The following AGO3 variants were observed in gnomAD, a reference collection of about 807,000 sequenced individuals.
AGO3 encodes argonaute RISC catalytic component 3.
AGO3 carries 16 observed loss-of-function variants against 105.5 expected under a neutral mutation model. The ratio of observed to expected loss-of-function variants is 0.15; its 90% CI spans 0.10 to 0.23. AGO3 has a LOEUF of 0.23. Among genes scored for constraint, AGO3 ranks in the 10% least tolerant of loss-of-function variants. AGO3 has a pLI of 1.00. For missense variants in AGO3, 534 were observed against 1,088.0 expected, an observed-to-expected ratio of 0.49 and a Z score of 7.16; for synonymous variants, 340 against 367.3, an observed-to-expected ratio of 0.93 and a Z score of 0.85.
At chr1:36,024,786 C>A (rs79353624) in intron 11 of AGO3, among the ~76,000 whole-genome samples, 1 of 152,046 alleles carries the variant, frequency 6.6e-6, no homozygotes, top group African/African-American at 2.4e-5. Context: ...CAGGTTCAAG[C>A]GTAAAATCAG....
chr1:35,972,704 G>A (rs1646889691), intron 4 of AGO3, among the ~76,000 whole-genome samples: 1 of 151,420 alleles, frequency 6.6e-6, no homozygotes, highest in African/African-American at 2.4e-5. Context: ...TTTGAGACAT[G>A]GTCTCACTCT....
chr1:35,984,614 T>G (rs918721758), intron 5 of AGO3: 9 of 152,188 alleles, frequency 5.9e-5, no homozygotes, highest in African/African-American at 2.2e-4. Flanking sequence ...ATGTATCACC[T>G]TGAATTATGG....
chr1:35,964,937 C>G (rs1646745881), intron 2 of AGO3, among the ~76,000 whole-genome samples: 1 of 151,158 alleles, frequency 6.6e-6, no homozygotes, highest in Non-Finnish European at 1.5e-5. Flanking sequence ...TTTGAAGTGT[C>G]TGTTCATGTC....
intron 3 of AGO3, among the ~76,000 whole-genome samples, chr1:35,968,379 C>T (rs550196877): frequency 2.0e-5 from 3 of 152,256 alleles, no homozygotes; most frequent in Non-Finnish European, 4.4e-5. Flanking sequence ...CCTTCCATCC[C>T]CAGAATTGTC....
chr1:35,972,809 G>C (rs76559703), intron 4 of AGO3, among the ~76,000 whole-genome samples: 1 of 150,842 alleles, frequency 6.6e-6, no homozygotes, highest in African/African-American at 2.4e-5. Flanking sequence ...CTTCTGAGTA[G>C]CTGGGACCAC....
chr1:35,973,775 T>C (rs570127586), intron 5 of AGO3, among the ~76,000 whole-genome samples: 2 of 152,336 alleles, frequency 1.3e-5, no homozygotes, highest in Middle Eastern at 3.4e-3. Flanking sequence ...TCTTCTATTA[T>C]AACTCACTTT....
At chr1:35,981,779 TC>T (rs1647057395) in intron 5 of AGO3, among the ~76,000 whole-genome samples, 1 of 152,140 alleles carries the variant, frequency 6.6e-6, no homozygotes, top group South Asian at 2.1e-4. Flanking sequence ...CTTCTGAGAA[TC>T]CCCCATTTAA....
chr1:35,990,985 C>T (rs1052283764), intron 5 of AGO3, among the ~76,000 whole-genome samples: 7 of 152,126 alleles, frequency 4.6e-5, no homozygotes, highest in Non-Finnish European at 8.8e-5. Context: ...CAGGCTTACC[C>T]AGGCGGGCTA....
chr1:35,957,422 G>T (rs891952889), intron 2 of AGO3, among the ~76,000 whole-genome samples: 4 of 151,994 alleles, frequency 2.6e-5, no homozygotes, highest in African/African-American at 9.7e-5. Flanking sequence ...CAAACATAGT[G>T]TATAGTGAAA....
chr1:35,933,202 T>C (rs1646086402), intron 1 of AGO3, among the ~76,000 whole-genome samples: 1 of 152,166 alleles, frequency 6.6e-6, no homozygotes, highest in Non-Finnish European at 1.5e-5. Flanking sequence ...AGTTTATACA[T>C]GATTGAATGT....
At position 36,055,640 on chromosome 1, in the gene AGO3, T is replaced by C. The variant is rs1446763730; in HGVS notation, c.2478T>C (p.Ala826=). Residue 826 remains alanine (A), a synonymous_variant, in exon 19 of 19, where the codon GCT becomes GCC. Coordinates refer to ENST00000373191, the MANE Select transcript of AGO3 (RefSeq NM_024852.4). This position sits in a 1 kb window ranked among gnomAD's most constrained non-coding sequence, Gnocchi z 4.4. ...YHLVDKEHDS[A]EGSHVSGQSN... ...TTCATTGCCACTTCTCTTACAGTGC[T>C]GAAGGAAGTCACGTTTCAGGACAAA... The C allele has an allele frequency of 1.2e-6, 2 of 1,614,052 alleles. No individual in the cohort carries two copies. Among genetic ancestry groups the C allele is most frequent in the Non-Finnish European group, 8.5e-7 (1 of 1,180,000 alleles).
At chr1:36,007,650 T>C (rs1640400913) in intron 6 of AGO3, among the ~76,000 whole-genome samples, 1 of 151,632 alleles carries the variant, frequency 6.6e-6, no homozygotes, top group African/African-American at 2.4e-5. Context: ...GAGCCAAGAT[T>C]GCATCATTGC....
chr1:35,990,474 T>C (rs971836815), intron 5 of AGO3, among the ~76,000 whole-genome samples: 3 of 152,264 alleles, frequency 2.0e-5, no homozygotes, highest in East Asian at 1.9e-4. Flanking sequence ...CACCACTGCA[T>C]TCCAGTCTGG....
At chr1:35,986,298 T>C (rs1484052213) in intron 5 of AGO3, among the ~76,000 whole-genome samples, 5 of 152,218 alleles carry the variant, frequency 3.3e-5, no homozygotes, top group South Asian at 4.1e-4. Context: ...AGTAGCAGAA[T>C]GAATAAACAG....
At chr1:35,993,738 CTTTTT>C (rs141978570) in intron 5 of AGO3, among the ~76,000 whole-genome samples, 2 of 90,778 alleles carry the variant, frequency 2.2e-5, no homozygotes, top group African/African-American at 5.0e-5. Flanking sequence ...CCACCCCCTG[CTTTTT>C]TTTTTTTTTT....
At chr1:35,943,412 T>G (rs1646294317) in intron 1 of AGO3, among the ~76,000 whole-genome samples, 1 of 148,770 alleles carries the variant, frequency 6.7e-6, no homozygotes, top group Admixed American at 6.7e-5. Context: ...AGCAGTTCTG[T>G]CATCCCAGCC....
chr1:35,956,919 G>T (rs1646577505), intron 2 of AGO3, among the ~76,000 whole-genome samples: 1 of 151,748 alleles, frequency 6.6e-6, no homozygotes, highest in East Asian at 2.0e-4. Flanking sequence ...AAGTTGCTAG[G>T]ATTACAGGCA....
In AGO3 at chr1:36,040,890, C is replaced by T. The variant is rs367920811; in HGVS notation, c.2172+449C>T. On this transcript the variant is annotated intron_variant, in intron 16 of 18. Coordinates refer to ENST00000373191, the MANE Select transcript of AGO3 (RefSeq NM_024852.4). ...GAGTTCAAGACCAGCCTGGCCAACA[C>T]GGTGAAACCCTGTCTCTACTAAAAA... Among the ~76,000 whole-genome samples, 40 of 151,780 alleles carry T rather than the reference C, an allele frequency of 2.6e-4. 1 individual carries two copies. Among genetic ancestry groups the T allele is most frequent in the Middle Eastern group, 6.8e-3 (2 of 294 alleles).
At chr1:35,988,044 G>A (rs1647283531) in intron 5 of AGO3, among the ~76,000 whole-genome samples, 1 of 151,942 alleles carries the variant, frequency 6.6e-6, no homozygotes, top group Admixed American at 6.5e-5. Context: ...CTCCAGCCTG[G>A]GTGACAGAGC....
Sources: allele counts gnomAD v4.1 joint callset (sites outside exome capture counted in the v4.1 genomes callset), GRCh38; gene constraint gnomAD v4.1.1; non-coding constraint Gnocchi (gnomAD v3.1); transcripts MANE v1.5; gene names NCBI Gene and HGNC (gene_info 2026-07-23, HGNC 2026-07-21).